Variants in GTF3C1 observed in about 807,000 individuals in gnomAD.
GTF3C1 encodes general transcription factor IIIC subunit 1.
In GTF3C1, 57 loss-of-function variants were observed where a neutral mutation model predicts 226.7. The ratio of observed to expected loss-of-function variants is 0.25; its 90% CI spans 0.20 to 0.31. The LOEUF (loss-of-function observed/expected upper bound fraction) is 0.31, where lower values mean the gene tolerates loss of function less well. GTF3C1 is among the 10% of genes least tolerant of loss of function. The pLI is 1.00. For synonymous variants in GTF3C1, 1,090 were observed against 1,084.8 expected (o/e 1.00, Z -0.09); for missense variants, 2,217 against 2,776.1 (o/e 0.80, Z 4.53).
chr16:27,466,488 C>T (rs1003787334), intron 32 of GTF3C1, among the ~76,000 whole-genome samples: 1 of 152,200 alleles, frequency 6.6e-6, no homozygotes, highest in Non-Finnish European at 1.5e-5. Flanking sequence ...CTTCCCTCTC[C>T]TGGGGCTCCC....
intron 6 of GTF3C1, among the ~76,000 whole-genome samples, chr16:27,514,966 G>C (rs1409351434): frequency 1.3e-5 from 2 of 152,218 alleles, no homozygotes; most frequent in Middle Eastern, 3.2e-3. Context: ...AGTCAGACCT[G>C]AGGCGCCCTC....
intron 24 of GTF3C1, 122 bp downstream of exon 24, chr16:27,485,875 T>C (rs911353393): frequency 3.3e-6 from 2 of 608,946 alleles, no homozygotes; most frequent in Admixed American, 3.3e-5. Context: ...GCAATGCTTT[T>C]CCCAGTGGCG....
chr16:27,514,879 A>G (rs1262078070), intron 6 of GTF3C1, among the ~76,000 whole-genome samples: 1 of 152,214 alleles, frequency 6.6e-6, no homozygotes, highest in African/African-American at 2.4e-5. Context: ...CGTCCCTGTG[A>G]CTGAGAATAG....
chr16:27,528,803 G>C (rs2088871204), intron 5 of GTF3C1, 82 bp from the exon 6 acceptor site: 2 of 1,290,840 alleles, frequency 1.5e-6, no homozygotes, highest in Non-Finnish European at 2.2e-6. Context: ...ATGAACACAA[G>C]TTCAGGACCT....
chr16:27,515,905 A>T (rs2088651702), intron 6 of GTF3C1, among the ~76,000 whole-genome samples: 1 of 152,126 alleles, frequency 6.6e-6, no homozygotes, highest in South Asian at 2.1e-4. Context: ...AAATCCCACA[A>T]CCCCAAGGCA....
At chr16:27,488,995 G>C in intron 21 of GTF3C1, 48 bp downstream of exon 21, 1 of 1,570,846 alleles carries the variant, frequency 6.4e-7, no homozygotes, top group Non-Finnish European at 8.8e-7. Context: ...ACAGGAGGGT[G>C]AGTAGCGAGG....
At chr16:27,481,022 TG>T in intron 27 of GTF3C1, 56 bp downstream of exon 27, 2 of 1,389,800 alleles carry the variant, frequency 1.4e-6, no homozygotes, top group Non-Finnish European at 2.0e-6. Context: ...GAGACAGGGC[TG>T]GCCTTTTCTT....
At chr16:27,490,296 G>T (rs1442446946) in intron 19 of GTF3C1, among the ~76,000 whole-genome samples, 1 of 152,242 alleles carries the variant, frequency 6.6e-6, no homozygotes, top group Non-Finnish European at 1.5e-5. Flanking sequence ...CAGTTATTCT[G>T]TAATACAGAA....
In GTF3C1 at chr16:27,464,478, G is replaced by A; in HGVS notation, c.5714C>T (p.Ala1905Val). 1.9e-6 allele frequency: 3 copies of A among 1,562,826 alleles called. No homozygotes were observed. The highest frequency in any genetic ancestry group is 2.6e-6 in the Non-Finnish European group (3 of 1,158,194). The stretch of plus-strand genomic sequence containing the variant: ...GGGTGGAGATGGGGCCTGGGCTTCT[G>A]CCCCATCTTCAGCTCCGGGCCCAAG... ...PSLGPGAEDGAEAQAPSPPPA... is the reference protein window; with the variant it reads ...PSLGPGAEDGVEAQAPSPPPA... The change falls in exon 34 of 37, where the codon GCA (alanine) becomes GTA (valine). Residue 1905 changes from alanine (A) to valine (V), a missense_variant. Physicochemically the swap from Ala to Val is moderately conservative, Grantham distance 64. Transcript: ENST00000356183.
At chr16:27,489,872 G>A in intron 19 of GTF3C1, 129 bp from the exon 20 acceptor site, 1 of 821,482 alleles carries the variant, frequency 1.2e-6, no homozygotes, top group Non-Finnish European at 1.9e-6. Context: ...CCACTGCGGG[G>A]GTCTGAGATT....
At position 27,471,967 on chromosome 16, in the gene GTF3C1, C is replaced by T. The variant is rs574510914; in HGVS notation, c.4354-47G>A. On this transcript the variant is annotated intron_variant, in intron 29 of 36. Coordinates refer to ENST00000356183, the MANE Select transcript of GTF3C1 (RefSeq NM_001520.4). This position sits in a 1 kb window ranked among gnomAD's most constrained non-coding sequence, Gnocchi z 5.0. The stretch of plus-strand genomic sequence containing the variant: ...GTGAGTAGGGTTCTCCAGCCGGCCA[C>T]GGAGAGGGCTGGGGTATGTGGAGGC... 55 of 1,568,184 alleles carry T rather than the reference C, an allele frequency of 3.5e-5. No individual in the cohort carries two copies. The highest frequency in any genetic ancestry group is 5.4e-5 in the African/African-American group (4 of 74,108).
chr16:27,473,018 C>T (rs999275706), intron 29 of GTF3C1, among the ~76,000 whole-genome samples: 8 of 152,200 alleles, frequency 5.3e-5, no homozygotes, highest in African/African-American at 9.6e-5. Flanking sequence ...CTGGCTCAAG[C>T]GGTCCTCCTG....
chr16:27,529,164 C>T (rs1024534025), intron 5 of GTF3C1, among the ~76,000 whole-genome samples: 3 of 152,152 alleles, frequency 2.0e-5, no homozygotes, highest in Non-Finnish European at 4.4e-5. Context: ...ATTTTACAGG[C>T]TGGGTGCAGT....
chr16:27,489,942 A>G (rs1243269568), intron 19 of GTF3C1, among the ~76,000 whole-genome samples, 199 bp from the exon 20 acceptor site: 1 of 152,192 alleles, frequency 6.6e-6, no homozygotes, highest in East Asian at 1.9e-4. Context: ...AGAGGAAGAG[A>G]GTTGGAGTGC....
At chr16:27,464,206 T>G in intron 34 of GTF3C1, 114 bp downstream of exon 34, 2 of 578,006 alleles carry the variant, frequency 3.5e-6, no homozygotes, top group Non-Finnish European at 5.5e-6. Flanking sequence ...TCAAGCCCCT[T>G]TTGTGCCAGT....
chr16:27,489,150 A>C lies in GTF3C1; in HGVS notation c.3322T>G (p.Leu1108Val). The change falls in exon 21 of 37, where the codon TTG becomes GTG. Residue 1108 changes from leucine to valine, a missense_variant. Leu to Val is a conservative substitution (Grantham distance 32). Transcript: ENST00000356183. ...GCACCCAGCCCATCTCCAGGGATCAAGCCTTCATCCACCACCTCACGGCTT... is the reference window on the plus strand; with the variant it reads ...GCACCCAGCCCATCTCCAGGGATCACGCCTTCATCCACCACCTCACGGCTT... ...TGSREVVDEGLIPGDGLGAAG... is the reference protein window; with the variant it reads ...TGSREVVDEGVIPGDGLGAAG... The C allele has an allele frequency of 6.2e-7, 1 of 1,614,200 alleles. No homozygotes were observed. The highest frequency in any genetic ancestry group is 8.5e-7 in the Non-Finnish European group (1 of 1,180,032).
At position 27,484,366 on chromosome 16, in the gene GTF3C1, CAG is replaced by C; in HGVS notation, c.3859-15_3859-14del. On this transcript the variant is annotated splice_polypyrimidine_tract_variant and intron_variant, in intron 24 of 36. Transcript: ENST00000356183. ...ATGGGCCCTTCACCTGGATCAAACA[CAG>C]AGCCAAGACAAAAAGTCAGTATCCT... is the stretch of plus-strand genomic sequence containing the variant. 1 of 1,596,148 alleles carries C rather than the reference CAG, an allele frequency of 6.3e-7. No homozygotes were observed.
rs775058119 is a variant in GTF3C1, at chr16:27,506,921, C to T, written c.1478G>A (p.Gly493Glu). The change falls in exon 9 of 37, where the codon GGG (glycine) becomes GAG (glutamate). Residue 493 changes from glycine to glutamate, a missense_variant. Gly to Glu is a moderately conservative substitution (Grantham distance 98). Transcript: ENST00000356183. ...AGAGGCTCTTGTGTCTTTCTGGGAC[C>T]CTCTGCCTCTCCGCTTGCTGCTGCT... ...ERSSSKRRGR[G>E]SQKDTRASAN... The T allele has an allele frequency of 1.2e-6, 2 of 1,613,844 alleles. No homozygotes were observed. Among genetic ancestry groups the T allele is most frequent in the Admixed American group, 1.7e-5 (1 of 59,990 alleles).
chr16:27,535,878 C>G (rs1158588400), intron 4 of GTF3C1, among the ~76,000 whole-genome samples: 1 of 152,130 alleles, frequency 6.6e-6, no homozygotes, highest in Non-Finnish European at 1.5e-5. Flanking sequence ...TCTTGCAGTT[C>G]TCACGTATTT....
Sources: gnomAD v4.1 joint callset for allele counts (sites outside exome capture counted in the v4.1 genomes callset) on GRCh38, gnomAD v4.1.1 for gene constraint, Gnocchi (gnomAD v3.1) non-coding constraint, MANE v1.5 for transcripts, NCBI Gene and HGNC (gene_info 2026-07-23, HGNC 2026-07-21) for gene names.